The following ENOX1 variants were observed in gnomAD, a reference collection of about 807,000 sequenced individuals.
ENOX1 encodes candidate growth-related and time keeping constitutive hydroquinone (NADH) oxidase.
ENOX1 carries 42 observed loss-of-function variants against 82.5 expected under a neutral mutation model. That is an observed-to-expected ratio of 0.51 (90% CI 0.40 to 0.66). The LOEUF (loss-of-function observed/expected upper bound fraction) is 0.66, where lower values mean the gene tolerates loss of function less well. Ranked by LOEUF, ENOX1 falls within the 30% of genes least tolerant of loss-of-function variation. The pLI is 0.00. For synonymous variants in ENOX1, 271 were observed against 282.2 expected (o/e 0.96, Z 0.40); for missense variants, 608 against 811.6 (o/e 0.75, Z 3.05).
At chr13:43,595,416 CT>C (rs925857477) in intron 2 of ENOX1, among the ~76,000 whole-genome samples, 2 of 151,792 alleles carry the variant, frequency 1.3e-5, no homozygotes, top group South Asian at 2.1e-4. Flanking sequence ...CATTTTATTT[CT>C]TTTTTTTATT....
intron 2 of ENOX1, among the ~76,000 whole-genome samples, chr13:43,524,543 C>T (rs535489618): frequency 6.6e-6 from 1 of 152,226 alleles, no homozygotes; most frequent in South Asian, 2.1e-4. Flanking sequence ...TCTCTGCTCC[C>T]ATCTTCTTCT....
intron 5 of ENOX1, among the ~76,000 whole-genome samples, chr13:43,370,659 T>G (rs556389161): frequency 6.6e-6 from 1 of 152,336 alleles, no homozygotes; most frequent in East Asian, 1.9e-4. Context: ...TTGGGTTAAG[T>G]AACTTTAGGG....
intron 2 of ENOX1, among the ~76,000 whole-genome samples, chr13:43,594,983 T>C (rs1216776791): frequency 2.0e-5 from 3 of 151,846 alleles, no homozygotes; most frequent in Non-Finnish European, 4.4e-5. Context: ...CTAAGAAGGT[T>C]GTCAGAAGTG....
At chr13:43,340,814 A>T (rs1184360193) in intron 9 of ENOX1, among the ~76,000 whole-genome samples, 1 of 152,144 alleles carries the variant, frequency 6.6e-6, no homozygotes, top group African/African-American at 2.4e-5. Flanking sequence ...CTGTCTTCTG[A>T]TCTACTCATT....
chr13:43,350,151 G>T lies in ENOX1; in HGVS notation c.824-5401C>A, dbSNP rs367607086. Among the ~76,000 whole-genome samples, 11 of 152,298 alleles carry T rather than the reference G, an allele frequency of 7.2e-5. No individual in the cohort carries two copies. In the East Asian group the frequency reaches 2.1e-3, roughly 29 times the overall value. On this transcript the variant is annotated intron_variant, in intron 8 of 16. Coordinates refer to ENST00000690772, the MANE Select transcript of ENOX1 (RefSeq NM_001347969.2). ...TCTGTAACAATGCAAATTAATTTTT[G>T]TTCAGTAGAAAATGTAAATCTTTAT...
intron 3 of ENOX1, among the ~76,000 whole-genome samples, chr13:43,443,937 A>G (rs1177232140): frequency 1.3e-5 from 2 of 152,182 alleles, no homozygotes; most frequent in Non-Finnish European, 2.9e-5. Flanking sequence ...TACAATCTAG[A>G]TTGTTTCTTT....
intron 2 of ENOX1, among the ~76,000 whole-genome samples, chr13:43,608,790 G>A (rs377526086): frequency 2.6e-5 from 4 of 152,184 alleles, no homozygotes; most frequent in South Asian, 4.2e-4. Flanking sequence ...GCACAAAACC[G>A]CCATTAGCCA....
rs370124011 is a variant in ENOX1 at position 43,713,361 on chromosome 13, C to G, written c.-284-45817G>C. On this transcript the variant is annotated intron_variant, in intron 1 of 16. Transcript: ENST00000690772. Reference sequence around the variant, plus strand: ...TGCATCAATGTTCATCAAGGATATTCGTCTAAAATTCTCTTTTTTGGTTGT... The same window carrying G: ...TGCATCAATGTTCATCAAGGATATTGGTCTAAAATTCTCTTTTTTGGTTGT... Among the ~76,000 whole-genome samples, 1,010 of 152,080 alleles carry G rather than the reference C, an allele frequency of 6.6e-3. 12 individuals carry two copies. The highest frequency in any genetic ancestry group is 0.052 in the East Asian group (271 of 5,174).
At chr13:43,477,665 TA>T (rs2058343030) in intron 3 of ENOX1, among the ~76,000 whole-genome samples, 1 of 152,282 alleles carries the variant, frequency 6.6e-6, no homozygotes, top group Admixed American at 6.5e-5. Context: ...CCTCCAGCTT[TA>T]AAAGAATGTT....
chr13:43,367,832 A>G (rs1250888714), intron 5 of ENOX1, among the ~76,000 whole-genome samples: 3 of 152,136 alleles, frequency 2.0e-5, no homozygotes, highest in Non-Finnish European at 4.4e-5. Flanking sequence ...ACATCTGTAT[A>G]TGCAATGGGC....
At chr13:43,655,237 T>A (rs1355441385) in intron 2 of ENOX1, among the ~76,000 whole-genome samples, 1 of 152,248 alleles carries the variant, frequency 6.6e-6, no homozygotes, top group African/African-American at 2.4e-5. Context: ...AGCAAAGTTC[T>A]ATGTTTCGCA....
At chr13:43,406,996 C>T (rs1468414533) in intron 5 of ENOX1, among the ~76,000 whole-genome samples, 1 of 152,120 alleles carries the variant, frequency 6.6e-6, no homozygotes, top group Admixed American at 6.5e-5. Flanking sequence ...CTATTAGTTC[C>T]CATGCAGGCC....
chr13:43,368,217 T>G (rs2050976766), intron 5 of ENOX1, among the ~76,000 whole-genome samples: 2 of 152,210 alleles, frequency 1.3e-5, no homozygotes, highest in Non-Finnish European at 2.9e-5. Context: ...GTGCACACTT[T>G]ATAAACAAAG....
chr13:43,539,050 T>C (rs886895232), intron 2 of ENOX1, among the ~76,000 whole-genome samples: 2 of 152,210 alleles, frequency 1.3e-5, no homozygotes, highest in East Asian at 3.8e-4. Flanking sequence ...CTTGAACTCC[T>C]GGCCTCAAGT....
At chr13:43,487,614 G>T (rs1049745679) in intron 2 of ENOX1, among the ~76,000 whole-genome samples, 1 of 152,086 alleles carries the variant, frequency 6.6e-6, no homozygotes, top group African/African-American at 2.4e-5. Flanking sequence ...TTTTAATGGA[G>T]CTTGGCAAGC....
intron 5 of ENOX1, among the ~76,000 whole-genome samples, chr13:43,368,505 A>T (rs1244105190): frequency 2.0e-5 from 3 of 152,238 alleles, no homozygotes; most frequent in Non-Finnish European, 4.4e-5. Context: ...GTGTGTTTTG[A>T]GTGAGCAGGA....
intron 12 of ENOX1, among the ~76,000 whole-genome samples, chr13:43,270,613 A>T (rs988506807): frequency 6.6e-6 from 1 of 152,212 alleles, no homozygotes; most frequent in Non-Finnish European, 1.5e-5. Flanking sequence ...AACTGGAAGG[A>T]TTAAATTAAA....
At position 43,463,847 on chromosome 13, in the gene ENOX1, A is replaced by T. The variant is rs114654396; in HGVS notation, c.-75+20162T>A. On this transcript the variant is annotated intron_variant, in intron 3 of 16. Coordinates refer to ENST00000690772, the MANE Select transcript of ENOX1 (RefSeq NM_001347969.2). ...TAAATTAGAAGACTACAAAAAAGAA[A>T]ATAATCCAATTTCAATAAAATTGCT... Among the ~76,000 whole-genome samples, 436 of 152,324 alleles carry T rather than the reference A, an allele frequency of 2.9e-3. 1 individual carries two copies. The highest frequency in any genetic ancestry group is 0.01 in the African/African-American group (420 of 41,570).
chr13:43,441,877 T>TAG (rs1319696796), intron 3 of ENOX1, among the ~76,000 whole-genome samples: 1 of 151,256 alleles, frequency 6.6e-6, no homozygotes, highest in Non-Finnish European at 1.5e-5. Context: ...TTTTTAAAGG[T>TAG]AGAGGTAGAA....
Sources: allele counts gnomAD v4.1 joint callset (sites outside exome capture counted in the v4.1 genomes callset), GRCh38; gene constraint gnomAD v4.1.1; transcripts MANE v1.5; gene names NCBI Gene and HGNC (gene_info 2026-07-23, HGNC 2026-07-21).